SIK3: variants seen among roughly 807,000 people sequenced by gnomAD.
The protein encoded by SIK3 is SIK family kinase 3.
SIK3 carries 28 observed loss-of-function variants against 144.2 expected under a neutral mutation model. The ratio of observed to expected loss-of-function variants is 0.19; its 90% CI spans 0.14 to 0.27. SIK3 has a LOEUF of 0.27. SIK3 is among the 10% of genes least tolerant of loss of function. The pLI, the probability that SIK3 is intolerant of heterozygous loss-of-function variation, is 1.00. For missense variants in SIK3, 1,319 were observed against 1,776.0 expected (o/e 0.74, Z 4.62); for synonymous variants, 686 against 676.3 (o/e 1.01, Z -0.22).
chr11:117,095,136 C>T (rs1351531610), intron 1 of SIK3, among the ~76,000 whole-genome samples: 1 of 143,676 alleles, frequency 7.0e-6, no homozygotes, highest in African/African-American at 2.5e-5. Context: ...CAGTATCCTA[C>T]TCAATAAATG....
chr11:116,926,047 A>T (rs956660093), intron 4 of SIK3, among the ~76,000 whole-genome samples: 27 of 152,210 alleles, frequency 1.8e-4, no homozygotes, highest in African/African-American at 5.8e-4. Context: ...GTGACCCTGC[A>T]AAGGTACCCT....
At chr11:116,903,765 T>G (rs1945867021) in intron 4 of SIK3, among the ~76,000 whole-genome samples, 1 of 152,062 alleles carries the variant, frequency 6.6e-6, no homozygotes, top group Non-Finnish European at 1.5e-5. Context: ...AAAATTTTTT[T>G]GTAGTGATGG....
chr11:116,877,586 C>G (rs1168832759), intron 6 of SIK3, among the ~76,000 whole-genome samples: 2 of 152,138 alleles, frequency 1.3e-5, no homozygotes, highest in South Asian at 2.1e-4. Flanking sequence ...ATTCAGCTAG[C>G]CTTATTTATC....
chr11:117,082,761 G>A (rs1195239246), intron 1 of SIK3, among the ~76,000 whole-genome samples: 1 of 152,168 alleles, frequency 6.6e-6, no homozygotes, highest in Non-Finnish European at 1.5e-5. Context: ...TGTATGGTCT[G>A]TGAAATGTAC....
rs1954452332 is a variant in SIK3, at chr11:117,075,060, T to C, written c.273+23083A>G. Among the ~76,000 whole-genome samples, 3 of 152,314 alleles carry C rather than the reference T, an allele frequency of 2.0e-5. No homozygotes were observed. In the South Asian group the frequency reaches 6.2e-4, roughly 32 times the overall value. On this transcript the variant is annotated intron_variant, in intron 1 of 24. Coordinates refer to ENST00000445177, the MANE Select transcript of SIK3 (RefSeq NM_001366686.3). Reference sequence around the variant, plus strand: ...AAAGTAAGATGCAGACTATTGTATATTATTTACTATAATTTGTGTTAAAAG... The same window carrying C: ...AAAGTAAGATGCAGACTATTGTATACTATTTACTATAATTTGTGTTAAAAG...
chr11:116,895,384 T>A (rs565873608), intron 6 of SIK3, among the ~76,000 whole-genome samples: 1 of 152,342 alleles, frequency 6.6e-6, no homozygotes, highest in African/African-American at 2.4e-5. Context: ...TAACTCCTTC[T>A]CTATTTTATT....
intron 21 of SIK3, among the ~76,000 whole-genome samples, chr11:116,851,835 G>T (rs688456): frequency 0.32 from 48,236 of 152,110 alleles, 9,793 homozygotes; most frequent in African/African-American, 0.58. Flanking sequence ...CAGGAAGTGG[G>T]GCAACATGGT....
At chr11:116,850,844 A>G (rs1942370914) in intron 21 of SIK3, among the ~76,000 whole-genome samples, 1 of 152,124 alleles carries the variant, frequency 6.6e-6, no homozygotes, top group African/African-American at 2.4e-5. Context: ...CCCCACCTCT[A>G]CTAAAATTAC....
intron 1 of SIK3, among the ~76,000 whole-genome samples, chr11:117,013,915 G>GGTGTGTGTGT (rs71037441): frequency 1.4e-3 from 34 of 23,558 alleles, no homozygotes; most frequent in African/African-American, 1.7e-3. Flanking sequence ...GGGGGGGGAG[G>GGTGTGTGTGT]GTGTGTGTGT....
rs775653975 is a variant in SIK3 at position 116,849,308 on chromosome 11, T to G, written c.3656-25A>C. 3.7e-6 allele frequency: 6 copies of G among 1,613,008 alleles called. No individual in the cohort carries two copies. On this transcript the variant is annotated intron_variant, in intron 21 of 24. Transcript: ENST00000445177. The surrounding 1 kb of genome is among the most constrained non-coding windows in gnomAD (Gnocchi z 4.2). ...TCTGAGGAGACACAGCAGAATAGAG[T>G]CAGTGGGGCGGAACTTCTCCCAGCA...
chr11:117,007,811 T>TGC (rs1470514732), intron 1 of SIK3, among the ~76,000 whole-genome samples: 4 of 152,260 alleles, frequency 2.6e-5, no homozygotes, highest in African/African-American at 9.6e-5. Context: ...CACCCAGGTG[T>TGC]GCTGGCTCAT....
At chr11:116,940,291 G>A (rs1342894299) in intron 3 of SIK3, among the ~76,000 whole-genome samples, 2 of 149,170 alleles carry the variant, frequency 1.3e-5, no homozygotes, top group African/African-American at 2.5e-5. Flanking sequence ...GTGCAGTGGT[G>A]CGATCTTGGC....
intron 1 of SIK3, among the ~76,000 whole-genome samples, chr11:117,058,294 G>A (rs967828768): frequency 3.9e-5 from 6 of 152,098 alleles, no homozygotes; most frequent in Non-Finnish European, 7.4e-5. Flanking sequence ...GGCTGAGGCA[G>A]GCAGATCATG....
chr11:117,089,259 T>C (rs1955143757), intron 1 of SIK3, among the ~76,000 whole-genome samples: 1 of 151,778 alleles, frequency 6.6e-6, no homozygotes, highest in African/African-American at 2.4e-5. Flanking sequence ...TACAAAAAAT[T>C]AGCTGGGCGT....
At chr11:116,937,664 C>T (rs543748300) in intron 3 of SIK3, among the ~76,000 whole-genome samples, 3 of 152,150 alleles carry the variant, frequency 2.0e-5, no homozygotes, top group East Asian at 1.9e-4. Context: ...ACTATGTTAA[C>T]GTCATCTGGA....
intron 3 of SIK3, among the ~76,000 whole-genome samples, chr11:116,948,565 C>T (rs943032986): frequency 6.6e-6 from 1 of 152,156 alleles, no homozygotes; most frequent in African/African-American, 2.4e-5. Context: ...GCGTGAGTCA[C>T]CATGCCCAGC....
intron 1 of SIK3, among the ~76,000 whole-genome samples, chr11:116,995,943 G>C (rs1281192852): frequency 6.6e-6 from 1 of 152,102 alleles, no homozygotes; most frequent in Non-Finnish European, 1.5e-5. Flanking sequence ...TGAGCCCAAG[G>C]AGTTCAAGGC....
intron 1 of SIK3, among the ~76,000 whole-genome samples, chr11:117,060,846 G>A (rs1017910387): frequency 7.9e-5 from 12 of 152,180 alleles, no homozygotes; most frequent in African/African-American, 2.7e-4. Flanking sequence ...CCACACTAAT[G>A]CAAGATGTTA....
rs1360534089 is a variant in SIK3 at position 116,867,438 on chromosome 11, A to C, written c.1952+508T>G. The stretch of plus-strand genomic sequence containing the variant: ...AGATTTTTGCCATCAGAATATTGAA[A>C]GAATGACCTCTTAAATACATCGCTC... On this transcript the variant is annotated intron_variant, in intron 15 of 24. Coordinates refer to ENST00000445177, the MANE Select transcript of SIK3 (RefSeq NM_001366686.3). This position sits in a 1 kb window ranked among gnomAD's most constrained non-coding sequence, Gnocchi z 4.1. Among the ~76,000 whole-genome samples, 1 of 152,256 alleles carries C rather than the reference A, an allele frequency of 6.6e-6. No individual in the cohort carries two copies. Among genetic ancestry groups the C allele is most frequent in the Admixed American group, 6.5e-5 (1 of 15,286 alleles).
Sources: gnomAD v4.1 joint callset for allele counts (sites outside exome capture counted in the v4.1 genomes callset) on GRCh38, gnomAD v4.1.1 for gene constraint, Gnocchi (gnomAD v3.1) non-coding constraint, MANE v1.5 for transcripts, NCBI Gene and HGNC (gene_info 2026-07-23, HGNC 2026-07-21) for gene names.